Variants in FNBP1L observed in about 807,000 individuals in gnomAD.
FNBP1L encodes the protein formin-binding protein 1-like.
Under a neutral mutation model 91.2 loss-of-function variants are expected in FNBP1L, and 36 were observed. The observed-to-expected ratio is 0.39, with a 90% CI of 0.30 to 0.52. The LOEUF (loss-of-function observed/expected upper bound fraction) is 0.52, where lower values mean the gene tolerates loss of function less well. FNBP1L is among the 20% of genes least tolerant of loss of function. The probability of loss-of-function intolerance (pLI) is 0.66; values close to 1 mark genes in which losing one functional copy is unlikely to be tolerated. For synonymous variants in FNBP1L, 242 were observed against 237.0 expected (o/e 1.02, Z -0.19); for missense variants, 571 against 732.1 (o/e 0.78, Z 2.54).
At chr1:93,503,321 C>T (rs1014596703) in intron 2 of FNBP1L, among the ~76,000 whole-genome samples, 7 of 152,050 alleles carry the variant, frequency 4.6e-5, no homozygotes, top group East Asian at 3.9e-4. Flanking sequence ...TGGGGGAAAC[C>T]GCCCCCATGA....
At chr1:93,493,367 T>C (rs957405566) in intron 1 of FNBP1L, among the ~76,000 whole-genome samples, 3 of 152,210 alleles carry the variant, frequency 2.0e-5, no homozygotes, top group Admixed American at 6.5e-5. Context: ...TTTTTTACTG[T>C]GTAAAATACA....
chr1:93,533,713 A>G (rs1308993590), intron 8 of FNBP1L, among the ~76,000 whole-genome samples: 1 of 152,182 alleles, frequency 6.6e-6, no homozygotes, highest in African/African-American at 2.4e-5. Flanking sequence ...TATCAAGTAG[A>G]TATTATATTA....
intron 9 of FNBP1L, 103 bp downstream of exon 9, chr1:93,535,011 A>G: frequency 2.2e-6 from 2 of 893,112 alleles, no homozygotes; most frequent in Non-Finnish European, 1.7e-6. Flanking sequence ...GAGAATAAAT[A>G]TTTTCAATTT....
In FNBP1L at chr1:93,553,955, G is replaced by A. The variant is rs1051797801; in HGVS notation, c.*1539G>A. On this transcript the variant is annotated 3_prime_UTR_variant, in exon 17 of 17. Coordinates refer to ENST00000271234, the MANE Select transcript of FNBP1L (RefSeq NM_001164473.3). Reference sequence around the variant, plus strand: ...TTTTAAGCAATATTTTAGAAGCTGTGTGACTGCTTTAATAACTTTTTCCCA... The same window carrying A: ...TTTTAAGCAATATTTTAGAAGCTGTATGACTGCTTTAATAACTTTTTCCCA... 1 of 152,600 alleles carries A rather than the reference G, an allele frequency of 6.6e-6. No individual in the cohort carries two copies. Among genetic ancestry groups the A allele is most frequent in the Non-Finnish European group, 1.5e-5 (1 of 68,034 alleles). 9.5% of individuals were successfully genotyped at this position (152,600 alleles called of 1,614,324 possible). A position where few individuals can be genotyped will look rare whatever the true frequency, so the allele number is the denominator to read the frequency against.
chr1:93,459,239 G>A (rs986639238), intron 1 of FNBP1L, among the ~76,000 whole-genome samples: 2 of 152,162 alleles, frequency 1.3e-5, no homozygotes, highest in Admixed American at 6.5e-5. Flanking sequence ...CAGCCTGGGC[G>A]ACACAGTGAG....
At chr1:93,533,262 TAAAAAAAAA>T (rs10541830) in intron 8 of FNBP1L, among the ~76,000 whole-genome samples, 194 bp downstream of exon 8, 1 of 142,108 alleles carries the variant, frequency 7.0e-6, no homozygotes, top group African/African-American at 2.6e-5. Context: ...AATTCTTTCT[TAAAAAAAAA>T]AAAAAGATTT....
intron 2 of FNBP1L, among the ~76,000 whole-genome samples, chr1:93,518,598 AAAG>A (rs1376310250): frequency 6.6e-6 from 1 of 152,310 alleles, no homozygotes; most frequent in South Asian, 2.1e-4. Flanking sequence ...GAGGTATGTA[AAAG>A]AAGATTAAAA....
intron 1 of FNBP1L, among the ~76,000 whole-genome samples, chr1:93,458,309 A>G (rs888083960): frequency 6.6e-6 from 1 of 152,010 alleles, no homozygotes; most frequent in Non-Finnish European, 1.5e-5. Flanking sequence ...TTTTGTTTTT[A>G]GATAGAGATG....
At chr1:93,471,772 C>G (rs1035309205) in intron 1 of FNBP1L, among the ~76,000 whole-genome samples, 2 of 152,156 alleles carry the variant, frequency 1.3e-5, no homozygotes, top group Non-Finnish European at 2.9e-5. Flanking sequence ...AATGTTGGTT[C>G]ATTTCTTTGT....
At chr1:93,536,221 CTTTA>C (rs1253697577) in intron 9 of FNBP1L, 107 bp from the exon 10 acceptor site, 7 of 711,698 alleles carry the variant, frequency 9.8e-6, no homozygotes, top group Admixed American at 8.2e-5. Flanking sequence ...TTACAGAAAA[CTTTA>C]TTTGAGATAT....
chr1:93,519,902 A>G (rs1434865611), intron 2 of FNBP1L, among the ~76,000 whole-genome samples: 2 of 152,158 alleles, frequency 1.3e-5, no homozygotes, highest in Non-Finnish European at 2.9e-5. Context: ...ACAGTGAGCT[A>G]TGGTTGCACC....
intron 8 of FNBP1L, among the ~76,000 whole-genome samples, chr1:93,533,590 T>C (rs1054742871): frequency 6.6e-6 from 1 of 152,034 alleles, no homozygotes; most frequent in Admixed American, 6.6e-5. Context: ...AAATGTTGAT[T>C]GAGTGATCAA....
intron 1 of FNBP1L, among the ~76,000 whole-genome samples, chr1:93,466,973 C>T (rs902970667): frequency 1.3e-5 from 2 of 152,178 alleles, no homozygotes; most frequent in African/African-American, 4.8e-5. Flanking sequence ...TCTCCTGCCT[C>T]AGCCTCCAGA....
chr1:93,449,232 C>A (rs1230251130), intron 1 of FNBP1L, among the ~76,000 whole-genome samples: 1 of 151,938 alleles, frequency 6.6e-6, no homozygotes, highest in Non-Finnish European at 1.5e-5. Context: ...TTGCTCCTGG[C>A]GCCGGCGCGG....
intron 1 of FNBP1L, among the ~76,000 whole-genome samples, chr1:93,489,060 A>G (rs1570795872): frequency 6.6e-6 from 1 of 152,200 alleles, no homozygotes; most frequent in Non-Finnish European, 1.5e-5. Context: ...CCCTTAGGTA[A>G]TAGACATGAA....
chr1:93,496,394 T>C (rs1471811753), intron 1 of FNBP1L, among the ~76,000 whole-genome samples: 1 of 151,708 alleles, frequency 6.6e-6, no homozygotes, highest in Non-Finnish European at 1.5e-5. Context: ...GCTAATTTTA[T>C]TTATTTATTT....
At chr1:93,496,717 G>A (rs1323293396) in intron 1 of FNBP1L, among the ~76,000 whole-genome samples, 1 of 151,780 alleles carries the variant, frequency 6.6e-6, no homozygotes, top group Admixed American at 6.6e-5. Context: ...GTTTTGTAGA[G>A]ACAGGGTCTT....
intron 8 of FNBP1L, among the ~76,000 whole-genome samples, chr1:93,534,405 G>A (rs571900776): frequency 1.3e-5 from 2 of 152,062 alleles, no homozygotes; most frequent in African/African-American, 4.8e-5. Context: ...TGTCAGTTAG[G>A]TCTTTTTCAG....
rs10541830 is a variant in FNBP1L, at chr1:93,533,262, T to TA, written c.786+208dup. On this transcript the variant is annotated intron_variant, in intron 8 of 16. Coordinates refer to ENST00000271234, the MANE Select transcript of FNBP1L (RefSeq NM_001164473.3). The stretch of plus-strand genomic sequence containing the variant: ...ACATGCAAAAGTTCTAATTCTTTCT[T>TA]AAAAAAAAAAAAAAGATTTCTAACT... 2.9e-3 allele frequency among the ~76,000 whole-genome samples: 418 copies of TA among 142,028 alleles called. 1 individual carries two copies. Among genetic ancestry groups the TA allele is most frequent in the South Asian group, 9.2e-3 (41 of 4,444 alleles). The allele number at this position is 142,028 out of a possible 152,430, so 93.2% of individuals were successfully genotyped here. A position where few individuals can be genotyped will look rare whatever the true frequency, so the allele number is the denominator to read the frequency against.
Sources: gnomAD v4.1 joint callset for allele counts (sites outside exome capture counted in the v4.1 genomes callset) on GRCh38, gnomAD v4.1.1 for gene constraint, MANE v1.5 for transcripts, NCBI Gene and HGNC (gene_info 2026-07-23, HGNC 2026-07-21) for gene names.